The following RBFOX3 variants were observed in gnomAD, a reference collection of about 807,000 sequenced individuals.
RBFOX3 encodes the protein RNA binding protein fox-1 homolog 3.
Under a neutral mutation model 48.7 loss-of-function variants are expected in RBFOX3, and 17 were observed. The observed-to-expected ratio is 0.35, with a 90% confidence interval of 0.24 to 0.52. The LOEUF (loss-of-function observed/expected upper bound fraction) is 0.52, where lower values mean the gene tolerates loss of function less well. Among genes scored for constraint, RBFOX3 ranks in the 20% least tolerant of loss-of-function variants. RBFOX3 has a pLI of 0.94. For missense variants in RBFOX3, 382 were observed against 497.5 expected (o/e 0.77, Z 2.21); for synonymous variants, 212 against 209.5 (o/e 1.01, Z -0.10).
At chr17:79,587,832 G>C (rs2093302176) in intron 1 of RBFOX3, among the ~76,000 whole-genome samples, 1 of 152,130 alleles carries the variant, frequency 6.6e-6, no homozygotes, top group African/African-American at 2.4e-5. Context: ...CGGGAGGACG[G>C]AACATTTGAG....
chr17:79,619,210 C>T, the RBFOX3 span, among the ~76,000 whole-genome samples: 17 of 152,192 alleles, frequency 1.1e-4, no homozygotes, highest in Non-Finnish European at 1.8e-4. Flanking sequence ...TTAGGAGGTG[C>T]AGAGACTGCC....
intron 4 of RBFOX3, among the ~76,000 whole-genome samples, chr17:79,173,789 T>C (rs192990159): frequency 9.1e-4 from 139 of 152,194 alleles, no homozygotes; most frequent in African/African-American, 3.3e-3. Flanking sequence ...GCCATGCAGC[T>C]GGAGATGGCT....
chr17:79,197,003 G>C (rs1267129413), intron 4 of RBFOX3, among the ~76,000 whole-genome samples: 1 of 152,192 alleles, frequency 6.6e-6, no homozygotes, highest in African/African-American at 2.4e-5. Flanking sequence ...ACTGACGCCT[G>C]CTAACAGGGA....
intron 4 of RBFOX3, among the ~76,000 whole-genome samples, chr17:79,145,333 C>T (rs4789870): frequency 0.66 from 100,109 of 152,066 alleles, 34,173 homozygotes; most frequent in Non-Finnish European, 0.75. Flanking sequence ...ATGTGCGTGG[C>T]GGTTCTGAAA....
chr17:79,463,015 TGCCACTGACACCTCCACCACCATC>T (rs1598801149), intron 2 of RBFOX3, among the ~76,000 whole-genome samples: 1 of 114,642 alleles, frequency 8.7e-6, no homozygotes, highest in Non-Finnish European at 1.9e-5. Flanking sequence ...CCACCACCAT[TGCCACTGACACCTCCACCACCATC>T]GCCACTGCCA....
chr17:79,168,315 C>T lies in RBFOX3; in HGVS notation c.-33-52567G>A, dbSNP rs117544385. 4.5e-3 allele frequency among the ~76,000 whole-genome samples: 688 copies of T among 152,384 alleles called. 4 individuals are homozygous for T. Among genetic ancestry groups the T allele is most frequent in the Non-Finnish European group, 8.0e-3 (546 of 68,026 alleles). On this transcript the variant is annotated intron_variant, in intron 4 of 14. Transcript: ENST00000693108. ...CCCTAAATTAAAATAAATCCCACCA[C>T]CAACTCATGAATAGCACAATTGCAT...
chr17:79,271,077 A>AT (rs1002898404), intron 3 of RBFOX3, among the ~76,000 whole-genome samples: 64 of 77,422 alleles, frequency 8.3e-4, no homozygotes, highest in Middle Eastern at 0.01. Context: ...AATTCATAAG[A>AT]TTTTTTTTTT....
chr17:79,600,762 ACT>A (rs2093687112), intron 1 of RBFOX3: 3 of 151,968 alleles, frequency 2.0e-5, no homozygotes, highest in African/African-American at 7.3e-5. Flanking sequence ...GACCATCCTG[ACT>A]CTTCACGACA....
chr17:79,388,713 A>G (rs570664164), intron 2 of RBFOX3, among the ~76,000 whole-genome samples: 36 of 152,234 alleles, frequency 2.4e-4, no homozygotes, highest in African/African-American at 8.2e-4. Context: ...CCCGGCAAGG[A>G]CACAGGTGGC....
intron 4 of RBFOX3, among the ~76,000 whole-genome samples, chr17:79,130,692 C>T (rs1432779785): frequency 4.6e-5 from 7 of 152,252 alleles, no homozygotes; most frequent in Non-Finnish European, 8.8e-5. Context: ...CTCCAGGCCC[C>T]GGTGGGGACA....
At chr17:79,160,342 G>A (rs1481280108) in intron 4 of RBFOX3, among the ~76,000 whole-genome samples, 4 of 152,242 alleles carry the variant, frequency 2.6e-5, no homozygotes, top group African/African-American at 7.2e-5. Flanking sequence ...GTGTGAGCGT[G>A]CAGCAGACAG....
At chr17:79,470,846 C>T (rs1356388648) in intron 2 of RBFOX3, among the ~76,000 whole-genome samples, 3 of 152,208 alleles carry the variant, frequency 2.0e-5, no homozygotes, top group African/African-American at 4.8e-5. Flanking sequence ...CCCAGTCCCT[C>T]AGGGGTACAG....
At chr17:79,113,993 T>C (rs2033018524) in intron 5 of RBFOX3, among the ~76,000 whole-genome samples, 1 of 152,142 alleles carries the variant, frequency 6.6e-6, no homozygotes, top group Admixed American at 6.5e-5. Context: ...GTGTTATCTG[T>C]GTGTCTGACC....
the RBFOX3 span, among the ~76,000 whole-genome samples, chr17:79,656,875 A>G: frequency 6.8e-3 from 887 of 129,628 alleles, 12 homozygotes; most frequent in Admixed American, 0.012. Flanking sequence ...GAGGGAGGGA[A>G]GGAAGGAAGG....
Position 79,103,991 on chromosome 17 carries a change from G to T in RBFOX3, c.414+82C>A. 7.8e-7 allele frequency: 1 copy of T among 1,280,026 alleles called. No homozygotes were observed. The highest frequency in any genetic ancestry group is 1.1e-6 in the Non-Finnish European group (1 of 901,852). 79.3% of individuals were successfully genotyped at this position (1,280,026 alleles called of 1,614,324 possible). A position where few individuals can be genotyped will look rare whatever the true frequency, so the allele number is the denominator to read the frequency against. On this transcript the variant is annotated intron_variant, in intron 7 of 14. Coordinates refer to ENST00000693108, the MANE Select transcript of RBFOX3 (RefSeq NM_001350451.2). This position sits in a 1 kb window ranked among gnomAD's most constrained non-coding sequence, Gnocchi z 6.1. ...GGGTCCTCGGGCGCGAAGCTCTCCAGGAAGGAAACGCACATTTCACACGTT... is the reference window on the plus strand; with the variant it reads ...GGGTCCTCGGGCGCGAAGCTCTCCATGAAGGAAACGCACATTTCACACGTT...
chr17:79,095,387 G>A (rs560116176), intron 13 of RBFOX3, 126 bp downstream of exon 13: 20 of 801,902 alleles, frequency 2.5e-5, no homozygotes, highest in East Asian at 5.6e-5. Context: ...CCCCTGTCCC[G>A]ACCCTACTCC....
rs1308969902 is a variant in RBFOX3 at position 79,477,292 on chromosome 17, C to T, written c.-175+5162G>A. 6.3e-5 allele frequency among the ~76,000 whole-genome samples: 9 copies of T among 143,516 alleles called. No homozygotes were observed. In the East Asian group the frequency reaches 1.7e-3, roughly 27 times the overall value. 94.2% of individuals were successfully genotyped at this position (143,516 alleles called of 152,430 possible). A position where few individuals can be genotyped will look rare whatever the true frequency, so the allele number is the denominator to read the frequency against. On this transcript the variant is annotated intron_variant, in intron 2 of 14. Coordinates refer to ENST00000693108, the MANE Select transcript of RBFOX3 (RefSeq NM_001350451.2). The surrounding 1 kb of genome is among the most constrained non-coding windows in gnomAD (Gnocchi z 4.8). The stretch of plus-strand genomic sequence containing the variant: ...AAAAAAAAAAGAGGGCGCGGTGGCT[C>T]ACACCTGTAATCCCAGCACTTTGGG...
At chr17:79,283,242 G>A (rs1207206452) in intron 3 of RBFOX3, among the ~76,000 whole-genome samples, 2 of 150,962 alleles carry the variant, frequency 1.3e-5, no homozygotes, top group Non-Finnish European at 2.9e-5. Flanking sequence ...CCTGTGCTAA[G>A]GTAATATTCC....
At chr17:79,586,536 C>G (rs2093256197) in intron 1 of RBFOX3, among the ~76,000 whole-genome samples, 1 of 152,250 alleles carries the variant, frequency 6.6e-6, no homozygotes, top group African/African-American at 2.4e-5. Flanking sequence ...CCCCTTCCCC[C>G]AGGCATGAGG....
Sources: gnomAD v4.1 joint callset for allele counts (sites outside exome capture counted in the v4.1 genomes callset) on GRCh38, gnomAD v4.1.1 for gene constraint, Gnocchi (gnomAD v3.1) non-coding constraint, MANE v1.5 for transcripts, NCBI Gene and HGNC (gene_info 2026-07-23, HGNC 2026-07-21) for gene names.